MAGEC1: variants seen among roughly 807,000 people sequenced by gnomAD.
MAGEC1 encodes the protein MAGE family member C1.
In MAGEC1, 3 loss-of-function variants were observed where a neutral mutation model predicts 1.5. That is an observed-to-expected ratio of 1.97 (90% CI 0.90 to 5.10). The LOEUF is 5.10. MAGEC1 is among the 30% of genes most tolerant of loss of function. The pLI is 0.02. For synonymous variants in MAGEC1, 357 were observed against 310.4 expected (o/e 1.15, Z -1.58); for missense variants, 985 against 803.1 (o/e 1.23, Z -2.74).
rs866057907 is a variant in MAGEC1 at position 141,905,738 on chromosome X, C to T, written c.334C>T (p.Leu112=). The change falls in exon 4 of 4, where the codon CTA becomes TTA. Residue 112 remains leucine, a synonymous_variant. Coordinates refer to ENST00000285879, the MANE Select transcript of MAGEC1 (RefSeq NM_005462.5). ...TGAGGGGAAGGACTCCCTGTCTCCTCTAGAGATTTCTCAGAGCCCTCCTGA... is the reference window on the plus strand; with the variant it reads ...TGAGGGGAAGGACTCCCTGTCTCCTTTAGAGATTTCTCAGAGCCCTCCTGA... ...SPEGKDSLSP[L]EISQSPPEGE... is the part of the protein sequence containing the mutation. The T allele has an allele frequency of 1.7e-6, 2 of 1,211,743 alleles. No homozygotes were observed. Among genetic ancestry groups the T allele is most frequent in the South Asian group, 3.5e-5 (2 of 57,003 alleles).
Position 141,906,937 on chromosome X carries a change from G to A in MAGEC1, c.1533G>A (p.Gln511=), listed in dbSNP as rs755920420. The change falls in exon 4 of 4, where the codon CAG becomes CAA. Residue 511 remains glutamine, a synonymous_variant. Transcript: ENST00000285879. ...CTQSTFEGFP[Q]SPLQIPQSPP... is the part of the protein sequence containing the mutation. ...AAAGTACTTTTGAGGGTTTTCCCCA[G>A]TCTCCTCTCCAGATTCCTCAGAGTC... 21 of 1,210,633 alleles carry A rather than the reference G, an allele frequency of 1.7e-5. No individual in the cohort carries two copies. In the Admixed American group the frequency reaches 4.4e-4, roughly 25 times the overall value.
In MAGEC1 at chrX:141,909,355, G is replaced by C. The variant is rs1293055931; in HGVS notation, c.*522G>C. The C allele has an allele frequency of 8.9e-6, 1 of 112,854 alleles. No individual in the cohort carries two copies. Among genetic ancestry groups the C allele is most frequent in the Non-Finnish European group, 1.9e-5 (1 of 53,611 alleles). 9.3% of individuals were successfully genotyped at this position (112,854 alleles called of 1,213,427 possible). ...GGCTTACGTAAGAAAGTAGAAGAAA[G>C]TAAACTGTAATAAATAAAAGTGTCA... On this transcript the variant is annotated 3_prime_UTR_variant, in exon 4 of 4. Transcript: ENST00000285879.
rs1377724689 is a variant in MAGEC1 at position 141,906,343 on chromosome X, C to T, written c.939C>T (p.Ser313=). Residue 313 remains serine (S), a synonymous_variant, in exon 4 of 4, where the codon TCC becomes TCT. Transcript: ENST00000285879. ...TTCCTGTGAGCTCCTCCTCCTCCTC[C>T]ACTTTATTGAGTCTTTTCCAGAGTT... ...LQIPVSSSSS[S]TLLSLFQSSP... is the part of the protein sequence containing the mutation. 34 of 1,106,725 alleles carry T rather than the reference C, an allele frequency of 3.1e-5. No homozygotes were observed. Among genetic ancestry groups the T allele is most frequent in the Admixed American group, 1.2e-4 (5 of 42,219 alleles). The allele number at this position is 1,106,725 out of a possible 1,213,427, so 91.2% of individuals were successfully genotyped here.
chrX:141,906,925 G>C lies in MAGEC1; in HGVS notation c.1521G>C (p.Glu507Asp), dbSNP rs199744393. Residue 507 changes from glutamate to aspartate, a missense_variant, in exon 4 of 4, where the codon GAG becomes GAC. Transcript: ENST00000285879. Reference protein sequence around the residue: ...SSPECTQSTFEGFPQSPLQIP... With the variant: ...SSPECTQSTFDGFPQSPLQIP... ...CTGAGTGTACTCAAAGTACTTTTGAGGGTTTTCCCCAGTCTCCTCTCCAGA... is the reference window on the plus strand; with the variant it reads ...CTGAGTGTACTCAAAGTACTTTTGACGGTTTTCCCCAGTCTCCTCTCCAGA... 59 of 1,210,653 alleles carry C rather than the reference G, an allele frequency of 4.9e-5. No individual in the cohort carries two copies. The Middle Eastern group carries it at 1.6e-3, about 33-fold the overall frequency.
rs75576571 is a variant in MAGEC1 at position 141,905,881 on chromosome X, C to A, written c.477C>A (p.Pro159=). 39 of 1,196,612 alleles carry A rather than the reference C, an allele frequency of 3.3e-5. No individual in the cohort carries two copies. Among genetic ancestry groups the A allele is most frequent in the African/African-American group, 3.0e-4 (17 of 56,416 alleles). The change falls in exon 4 of 4, where the codon CCC becomes CCA. Residue 159 remains proline (P), a synonymous_variant. Coordinates refer to ENST00000285879, the MANE Select transcript of MAGEC1 (RefSeq NM_005462.5). ...CTCAAAGTCCTTTTGAGGGTTTTCC[C>A]CAGTCTGTTCTCCAGATTCCTGTGA... is the stretch of plus-strand genomic sequence containing the variant. The part of the protein sequence containing the change: ...ESTQSPFEGF[P]QSVLQIPVSA...
At position 141,908,462 on chromosome X, in the gene MAGEC1, T is replaced by G; in HGVS notation, c.3058T>G (p.Trp1020Gly). 8.3e-7 allele frequency: 1 copy of G among 1,206,831 alleles called. No individual in the cohort carries two copies. The change falls in exon 4 of 4, where the codon TGG (tryptophan) becomes GGG (glycine). Residue 1020 changes from tryptophan (W) to glycine (G), a missense_variant. Coordinates refer to ENST00000285879, the MANE Select transcript of MAGEC1 (RefSeq NM_005462.5). Reference protein sequence around the residue: ...KGTYASEEVIWDVLSGIGVRA... With the variant: ...KGTYASEEVIGDVLSGIGVRA... ...CACCTATGCCTCTGAGGAGGTCATC[T>G]GGGATGTGCTGAGTGGAATAGGGGT... is the stretch of plus-strand genomic sequence containing the variant.
rs181282688 is a variant in MAGEC1, at chrX:141,907,977, T to C, written c.2573T>C (p.Phe858Ser). The C allele has an allele frequency of 2.7e-4, 332 of 1,209,561 alleles. 1 individual carries two copies. The highest frequency in any genetic ancestry group is 7.3e-5 in the Non-Finnish European group (65 of 895,069). ...ESPLQSPVIS[F>S]SSSTSLSPFS... Reference sequence around the variant, plus strand: ...CCTCTCCAGAGTCCTGTGATCTCCTTCTCCTCCTCCACTTCATTGAGCCCA... The same window carrying C: ...CCTCTCCAGAGTCCTGTGATCTCCTCCTCCTCCTCCACTTCATTGAGCCCA... The change falls in exon 4 of 4, where the codon TTC becomes TCC. Residue 858 changes from phenylalanine to serine, a missense_variant. Physicochemically the swap from Phe to Ser is radical, Grantham distance 155. Transcript: ENST00000285879.
Position 141,905,496 on chromosome X carries a change from C to T in MAGEC1, c.92C>T (p.Ser31Phe), listed in dbSNP as rs752918576. Residue 31 changes from serine (S) to phenylalanine (F), a missense_variant, in exon 4 of 4, where the codon TCC becomes TTC. Transcript: ENST00000285879. ...SPQSCPEGED[S>F]QSPLQIPQSS... ...CAGAGTTGTCCTGAGGGGGAGGACT[C>T]CCAGTCTCCTCTCCAGATTCCCCAG... The T allele has an allele frequency of 1.5e-5, 18 of 1,209,308 alleles. No individual in the cohort carries two copies. The highest frequency in any genetic ancestry group is 2.3e-4 in the Middle Eastern group (1 of 4,348).
chrX:141,907,567 C>T lies in MAGEC1; in HGVS notation c.2163C>T (p.Leu721=). 1 of 1,196,316 alleles carries T rather than the reference C, an allele frequency of 8.4e-7. No homozygotes were observed. Among genetic ancestry groups the T allele is most frequent in the Non-Finnish European group, 1.1e-6 (1 of 886,910 alleles). ...GTCCTCCTGAGTGGGAGGACTCCCT[C>T]TCTCCTCTCCACTTTCCTCAGTTTC... ...PQSPPEWEDS[L]SPLHFPQFPP... is the part of the protein sequence containing the mutation. Residue 721 remains leucine (L), a synonymous_variant, in exon 4 of 4, where the codon CTC becomes CTT. Coordinates refer to ENST00000285879, the MANE Select transcript of MAGEC1 (RefSeq NM_005462.5).
chrX:141,906,546 T>TCTC lies in MAGEC1; in HGVS notation c.1147_1149dup (p.Ser383dup), dbSNP rs1926905382. Reference sequence around the variant, plus strand: ...CTCCAGATTCCTGGGAGCCCCTCCTTCTCCTCCACTTTACTGAGTCTTTTC... The same window carrying TCTC: ...CTCCAGATTCCTGGGAGCCCCTCCTTCTCCTCCTCCACTTTACTGAGTCTTTTC... On this transcript the variant is annotated inframe_insertion, in exon 4 of 4. Transcript: ENST00000285879. 1 of 1,184,882 alleles carries TCTC rather than the reference T, an allele frequency of 8.4e-7. No homozygotes were observed. The highest frequency in any genetic ancestry group is 2.0e-5 in the African/African-American group (1 of 51,252).
chrX:141,904,177 C>T (rs886169261), intron 1 of MAGEC1, among the ~76,000 whole-genome samples, 199 bp downstream of exon 1: 13 of 111,852 alleles, frequency 1.2e-4, no homozygotes, highest in African/African-American at 3.9e-4. Flanking sequence ...TGAGGAGGAC[C>T]GGGGGAACCC....
chrX:141,905,500 G>A lies in MAGEC1; in HGVS notation c.96G>A (p.Gln32=), dbSNP rs1162388492. The A allele has an allele frequency of 3.3e-6, 4 of 1,211,135 alleles. No homozygotes were observed. In the Admixed American group the frequency reaches 8.7e-5, roughly 26 times the overall value. The change falls in exon 4 of 4, where the codon CAG becomes CAA. Residue 32 remains glutamine, a synonymous_variant. Coordinates refer to ENST00000285879, the MANE Select transcript of MAGEC1 (RefSeq NM_005462.5). Reference sequence around the variant, plus strand: ...GTTGTCCTGAGGGGGAGGACTCCCAGTCTCCTCTCCAGATTCCCCAGAGTT... The same window carrying A: ...GTTGTCCTGAGGGGGAGGACTCCCAATCTCCTCTCCAGATTCCCCAGAGTT... ...PQSCPEGEDS[Q]SPLQIPQSSP...
chrX:141,905,079 G>A lies in MAGEC1; in HGVS notation c.4+3G>A. On this transcript the variant is annotated splice_donor_region_variant and intron_variant, in intron 3 of 3. Coordinates refer to ENST00000285879, the MANE Select transcript of MAGEC1 (RefSeq NM_005462.5). ...GGCCTTTGTCAGAGCCATCATGGGT[G>A]AGTTTCTCAGCTGAGGCCACTGGCA... 8.2e-7 allele frequency: 1 copy of A among 1,212,135 alleles called. No homozygotes were observed. The highest frequency in any genetic ancestry group is 1.1e-6 in the Non-Finnish European group (1 of 895,549).
chrX:141,905,793 A>T lies in MAGEC1; in HGVS notation c.389A>T (p.Asn130Ile), dbSNP rs1267235027. The change falls in exon 4 of 4, where the codon AAT (asparagine) becomes ATT (isoleucine). Residue 130 changes from asparagine (N) to isoleucine (I), a missense_variant. Coordinates refer to ENST00000285879, the MANE Select transcript of MAGEC1 (RefSeq NM_005462.5). ...EGEDVQSPLQ[N>I]PASSFFSSAL... ...GAGGATGTCCAGTCTCCTCTGCAGA[A>T]TCCTGCGAGTTCCTTCTTCTCCTCT... 2.5e-6 allele frequency: 3 copies of T among 1,211,971 alleles called. No homozygotes were observed.
chrX:141,906,824 C>T lies in MAGEC1; in HGVS notation c.1420C>T (p.Pro474Ser), dbSNP rs144000269. ...ERTHSTFEGFPQSPLQIPVSS... is the reference protein window; with the variant it reads ...ERTHSTFEGFSQSPLQIPVSS... Reference sequence around the variant, plus strand: ...AACTCACAGTACTTTTGAGGGTTTTCCCCAGTCTCCTCTCCAGATTCCTGT... The same window carrying T: ...AACTCACAGTACTTTTGAGGGTTTTTCCCAGTCTCCTCTCCAGATTCCTGT... Residue 474 changes from proline (P) to serine (S), a missense_variant, in exon 4 of 4, where the codon CCC becomes TCC. Pro to Ser is a moderately conservative substitution (Grantham distance 74, BLOSUM62 -1). Transcript: ENST00000285879. The T allele has an allele frequency of 2.6e-5, 31 of 1,205,559 alleles. No individual in the cohort carries two copies. The highest frequency in any genetic ancestry group is 3.5e-5 in the Non-Finnish European group (31 of 892,703).
chrX:141,907,911 C>T lies in MAGEC1; in HGVS notation c.2507C>T (p.Ser836Phe). The T allele has an allele frequency of 2.5e-6, 3 of 1,210,753 alleles. No homozygotes were observed. The highest frequency in any genetic ancestry group is 3.0e-5 in the East Asian group (1 of 33,770). Reference sequence around the variant, plus strand: ...AGTTCTCCTGTGAGCTCCTTCCCCTCCTCCACTTCATCGAGTCTTTCCAAG... The same window carrying T: ...AGTTCTCCTGTGAGCTCCTTCCCCTTCTCCACTTCATCGAGTCTTTCCAAG... ...SQSSPVSSFPSSTSSSLSKSS... is the reference protein window; with the variant it reads ...SQSSPVSSFPFSTSSSLSKSS... Residue 836 changes from serine to phenylalanine, a missense_variant, in exon 4 of 4, where the codon TCC becomes TTC. Transcript: ENST00000285879.
Position 141,907,437 on chromosome X carries a change from G to A in MAGEC1, c.2033G>A (p.Ser678Asn). ...EGMHSQSPLQ[S>N]PESAPEGEDS... ...ATGCACTCCCAATCTCCTCTCCAGA[G>A]TCCTGAGAGTGCTCCTGAGGGGGAG... Residue 678 changes from serine (S) to asparagine (N), a missense_variant, in exon 4 of 4, where the codon AGT (serine) becomes AAT (asparagine). Transcript: ENST00000285879. The A allele has an allele frequency of 7.5e-6, 9 of 1,200,175 alleles. No individual in the cohort carries two copies. Among genetic ancestry groups the A allele is most frequent in the Non-Finnish European group, 1.0e-5 (9 of 890,188 alleles).
At chrX:141,905,196 C>A in intron 3 of MAGEC1, 120 bp downstream of exon 3, 1 of 1,086,286 alleles carries the variant, frequency 9.2e-7, no homozygotes, top group South Asian at 1.9e-5. Context: ...TTCATCATGC[C>A]TCTCTTTCTA....
Position 141,908,397 on chromosome X carries a change from G to A in MAGEC1, c.2993G>A (p.Arg998His), listed in dbSNP as rs765302694. The change falls in exon 4 of 4, where the codon CGC (arginine) becomes CAC (histidine). Residue 998 changes from arginine to histidine, a missense_variant. Coordinates refer to ENST00000285879, the MANE Select transcript of MAGEC1 (RefSeq NM_005462.5). ...LSDEQGMSQN[R>H]LLILILSIIF... ...GATGAGCAGGGCATGTCCCAGAACC[G>A]CCTCCTGATTCTTATTCTGAGTATC... 2.9e-5 allele frequency: 35 copies of A among 1,209,040 alleles called. No individual in the cohort carries two copies. Among genetic ancestry groups the A allele is most frequent in the Middle Eastern group, 4.6e-4 (2 of 4,336 alleles).
Sources: gnomAD v4.1 joint callset for allele counts (sites outside exome capture counted in the v4.1 genomes callset) on GRCh38, gnomAD v4.1.1 for gene constraint, MANE v1.5 for transcripts, NCBI Gene and HGNC (gene_info 2026-07-23, HGNC 2026-07-21) for gene names.